Variants in NID1 observed in about 807,000 individuals in gnomAD.
NID1 encodes the protein nidogen-1.
Under a neutral mutation model 130.6 loss-of-function variants are expected in NID1, and 76 were observed. That is an observed-to-expected ratio of 0.58 (90% CI 0.48 to 0.70). NID1 has a LOEUF of 0.70. Among genes scored for constraint, NID1 ranks in the 30% least tolerant of loss-of-function variants. The probability of loss-of-function intolerance (pLI) is 0.00; values close to 1 mark genes in which losing one functional copy is unlikely to be tolerated. For missense variants in NID1, 1,517 were observed against 1,664.8 expected (o/e 0.91, Z 1.54); for synonymous variants, 665 against 675.1 (o/e 0.98, Z 0.23).
rs1344262375 is a variant in NID1, at chr1:235,977,469, TG to T, written c.*397del. On this transcript the variant is annotated 3_prime_UTR_variant, in exon 20 of 20. Coordinates refer to ENST00000264187, the MANE Select transcript of NID1 (RefSeq NM_002508.3). ...ATAGGTCAAGGAGCTGACAGGACGG[TG>T]GGTACCTCAAAGCGAGGCTGAGCTC... The T allele has an allele frequency of 1.2e-5, 2 of 167,156 alleles. No individual in the cohort carries two copies. Among genetic ancestry groups the T allele is most frequent in the Non-Finnish European group, 2.6e-5 (2 of 76,626 alleles). 10.4% of individuals were successfully genotyped at this position (167,156 alleles called of 1,614,324 possible). A position where few individuals can be genotyped will look rare whatever the true frequency, so the allele number is the denominator to read the frequency against.
At chr1:236,034,608 G>A (rs1305937256) in intron 5 of NID1, among the ~76,000 whole-genome samples, 1 of 152,150 alleles carries the variant, frequency 6.6e-6, no homozygotes, top group Non-Finnish European at 1.5e-5. Flanking sequence ...AAGACAGAAA[G>A]TAGGTGAGGG....
rs201322248 is a variant in NID1 at position 235,996,532 on chromosome 1, T to TCC, written c.2528-2662_2528-2661dup. Reference sequence around the variant, plus strand: ...ATCTCAGTTCACTGCAACCTTAACCTCCCAGCTCAAGCAACCCTCCCACCT... The same window carrying TCC: ...ATCTCAGTTCACTGCAACCTTAACCTCCCCCAGCTCAAGCAACCCTCCCACCT... On this transcript the variant is annotated intron_variant, in intron 12 of 19. Transcript: ENST00000264187. Among the ~76,000 whole-genome samples the TCC allele has an allele frequency of 1.8e-3, 280 of 152,060 alleles. 4 individuals carry two copies. The East Asian group carries it at 0.029, about 16-fold the overall frequency.
intron 5 of NID1, 117 bp from the exon 6 acceptor site, chr1:236,032,769 T>A: frequency 7.5e-7 from 1 of 1,340,214 alleles, no homozygotes; most frequent in Non-Finnish European, 1.0e-6. Context: ...AAAACAGCAC[T>A]GGGGTCAATG....
Position 236,044,925 on chromosome 1 carries a change from G to A in NID1, c.752+532C>T, listed in dbSNP as rs1308543429. Among the ~76,000 whole-genome samples the A allele has an allele frequency of 5.3e-5, 8 of 152,264 alleles. No individual in the cohort carries two copies. In the South Asian group the frequency reaches 1.2e-3, roughly 24 times the overall value. On this transcript the variant is annotated intron_variant, in intron 3 of 19. Coordinates refer to ENST00000264187, the MANE Select transcript of NID1 (RefSeq NM_002508.3). ...GGTAAAAACTGTCTTAAGGCCGGGC[G>A]CGGCACTTCATGCCTGTAATCCCAG...
intron 16 of NID1, among the ~76,000 whole-genome samples, chr1:235,981,047 G>C (rs1657422277): frequency 6.6e-6 from 1 of 152,206 alleles, no homozygotes; most frequent in African/African-American, 2.4e-5. Flanking sequence ...ATGTTGGCAG[G>C]GGCTGTGGTC....
chr1:236,007,949 C>G (rs1021168933), intron 12 of NID1, among the ~76,000 whole-genome samples: 3 of 152,118 alleles, frequency 2.0e-5, no homozygotes, highest in African/African-American at 7.2e-5. Flanking sequence ...AACCATGACC[C>G]ATAGAAAGAA....
chr1:236,019,287 C>T (rs1450003844), intron 9 of NID1, among the ~76,000 whole-genome samples: 1 of 152,250 alleles, frequency 6.6e-6, no homozygotes, highest in Non-Finnish European at 1.5e-5. Flanking sequence ...GTGTCCACTG[C>T]CTCTGTGCTG....
intron 12 of NID1, among the ~76,000 whole-genome samples, chr1:236,002,068 T>C (rs1658091438): frequency 1.3e-5 from 2 of 152,288 alleles, no homozygotes; most frequent in South Asian, 4.1e-4. Context: ...AGTCCTTGAT[T>C]GTACAGGCTA....
intron 15 of NID1, among the ~76,000 whole-genome samples, chr1:235,984,987 A>C (rs1657532065): frequency 6.6e-6 from 1 of 152,112 alleles, no homozygotes; most frequent in South Asian, 2.1e-4. Flanking sequence ...CAGGAGATAG[A>C]GACCATTCTG....
intron 12 of NID1, among the ~76,000 whole-genome samples, chr1:236,002,047 C>T (rs1403469628): frequency 6.6e-6 from 1 of 152,208 alleles, no homozygotes; most frequent in African/African-American, 2.4e-5. Context: ...CCTGCAAGGG[C>T]TAAATAGGAG....
At chr1:236,046,208 G>A (rs915861544) in intron 2 of NID1, among the ~76,000 whole-genome samples, 2 of 152,090 alleles carry the variant, frequency 1.3e-5, no homozygotes, top group African/African-American at 2.4e-5. Flanking sequence ...CCTAAGCCTC[G>A]ATGTTTGCAT....
chr1:236,055,997 G>A (rs1367365195), intron 1 of NID1, among the ~76,000 whole-genome samples: 1 of 151,860 alleles, frequency 6.6e-6, no homozygotes, highest in African/African-American at 2.4e-5. Context: ...ACACATTTAC[G>A]GTCAACTAGT....
chr1:236,017,464 C>A lies in NID1; in HGVS notation c.2129-191G>T, dbSNP rs542453958. Among the ~76,000 whole-genome samples the A allele has an allele frequency of 3.5e-4, 53 of 152,222 alleles. 1 individual carries two copies. In the East Asian group the frequency reaches 9.8e-3, roughly 28 times the overall value. ...GCAATGGTGCAATCTCGGTTCACTGCAACCTCTGCCTCCAGGGTTCAAGTG... is the reference window on the plus strand; with the variant it reads ...GCAATGGTGCAATCTCGGTTCACTGAAACCTCTGCCTCCAGGGTTCAAGTG... On this transcript the variant is annotated intron_variant, in intron 9 of 19. Transcript: ENST00000264187.
In NID1 at chr1:236,038,093, A is replaced by G; in HGVS notation, c.1285+11T>C. On this transcript the variant is annotated intron_variant, in intron 5 of 19. Transcript: ENST00000264187. ...TCTCCCGCATGAAACGAACATAGAA[A>G]AGCAAATTACCTTCTGCAACACATT... 6.3e-7 allele frequency: 1 copy of G among 1,587,156 alleles called. No homozygotes were observed. Among genetic ancestry groups the G allele is most frequent in the Non-Finnish European group, 8.6e-7 (1 of 1,160,820 alleles).
rs562895231 is a variant in NID1, at chr1:235,992,900, C to T, written c.2755+745G>A. On this transcript the variant is annotated intron_variant, in intron 13 of 19. Coordinates refer to ENST00000264187, the MANE Select transcript of NID1 (RefSeq NM_002508.3). The stretch of plus-strand genomic sequence containing the variant: ...GGTAGTTTGTGACAATAACCAATTT[C>T]TACATTTGCAACGGAAGGAGAATTT... Among the ~76,000 whole-genome samples, 5 of 152,308 alleles carry T rather than the reference C, an allele frequency of 3.3e-5. No homozygotes were observed. The South Asian group carries it at 1.0e-3, about 32-fold the overall frequency.
At position 236,048,652 on chromosome 1, in the gene NID1, G is replaced by A. The variant is rs772254094; in HGVS notation, c.525+38C>T. 4 of 1,594,728 alleles carry A rather than the reference G, an allele frequency of 2.5e-6. 1 individual carries two copies. The South Asian group carries it at 4.5e-5, about 18-fold the overall frequency. On this transcript the variant is annotated intron_variant, in intron 2 of 19. Transcript: ENST00000264187. ...AGACCAAAGTGTATGAAGCCAATGT[G>A]TCTGATTACCTGCACTTGGACCTGG...
At chr1:236,046,759 G>A (rs1023894182) in intron 2 of NID1, among the ~76,000 whole-genome samples, 5 of 152,248 alleles carry the variant, frequency 3.3e-5, no homozygotes, top group African/African-American at 1.2e-4. Context: ...GTGAAAGGGA[G>A]GCAGCTGAGA....
At chr1:235,984,286 T>C (rs957776208) in intron 15 of NID1, among the ~76,000 whole-genome samples, 2 of 152,182 alleles carry the variant, frequency 1.3e-5, no homozygotes, top group Non-Finnish European at 2.9e-5. Flanking sequence ...CTGGAAGACA[T>C]GATTTAAATA....
intron 6 of NID1, among the ~76,000 whole-genome samples, chr1:236,030,352 A>G (rs1264778809): frequency 6.6e-6 from 1 of 152,124 alleles, no homozygotes; most frequent in Non-Finnish European, 1.5e-5. Context: ...TTCCACAATG[A>G]CCTGCCCCGT....
Sources: gnomAD v4.1 joint callset for allele counts (sites outside exome capture counted in the v4.1 genomes callset) on GRCh38, gnomAD v4.1.1 for gene constraint, MANE v1.5 for transcripts, NCBI Gene and HGNC (gene_info 2026-07-23, HGNC 2026-07-21) for gene names.